The following PGBD5 variants were observed in gnomAD, a reference collection of about 807,000 sequenced individuals.
The protein encoded by PGBD5 is piggyBac transposable element-derived protein 5.
PGBD5 carries 14 observed loss-of-function variants against 47.9 expected under a neutral mutation model. The ratio of observed to expected loss-of-function variants is 0.29; its 90% CI spans 0.19 to 0.46. The LOEUF (loss-of-function observed/expected upper bound fraction) is 0.46, where lower values mean the gene tolerates loss of function less well. Ranked by LOEUF, PGBD5 falls within the 20% of genes least tolerant of loss-of-function variation. PGBD5 has a pLI of 1.00. For missense variants in PGBD5, 635 were observed against 716.0 expected, an observed-to-expected ratio of 0.89 and a Z score of 1.29; for synonymous variants, 316 against 306.3, an observed-to-expected ratio of 1.03 and a Z score of -0.33.
chr1:230,393,772 C>T (rs942989053), intron 1 of PGBD5, among the ~76,000 whole-genome samples: 86 of 141,438 alleles, frequency 6.1e-4, no homozygotes, highest in African/African-American at 2.1e-3. Context: ...TTGCAGTGAG[C>T]GGAGATCGCG....
At chr1:230,404,475 C>T (rs112232236) in intron 1 of PGBD5, among the ~76,000 whole-genome samples, 294 of 151,592 alleles carry the variant, frequency 1.9e-3, no homozygotes, top group Non-Finnish European at 3.2e-3. Context: ...TGTGGTGGCG[C>T]GCACCTGTGG....
intron 1 of PGBD5, among the ~76,000 whole-genome samples, chr1:230,375,613 C>T (rs1304738948): frequency 1.5e-5 from 2 of 133,954 alleles, no homozygotes; most frequent in Non-Finnish European, 3.1e-5. Context: ...TAGATTTTGA[C>T]TTTTTAAAGA....
Position 230,322,663 on chromosome 1 carries a change from G to T in PGBD5, c.*762C>A, listed in dbSNP as rs550443105. ...GACTGAGGCCGGGGTCAGCGTCGGG[G>T]GTGGAGAGGAGGGGACATCTGCCTT... On this transcript the variant is annotated 3_prime_UTR_variant, in exon 7 of 7. Coordinates refer to ENST00000391860, the MANE Select transcript of PGBD5 (RefSeq NM_001258311.2). The surrounding 1 kb of genome is among the most constrained non-coding windows in gnomAD (Gnocchi z 5.9). 2.6e-5 allele frequency: 4 copies of T among 153,310 alleles called. No individual in the cohort carries two copies. The allele number at this position is 153,310 out of a possible 1,614,324, so 9.5% of individuals were successfully genotyped here. A position where few individuals can be genotyped will look rare whatever the true frequency, so the allele number is the denominator to read the frequency against.
chr1:230,351,369 ATTG>A (rs147845433), intron 2 of PGBD5, among the ~76,000 whole-genome samples: 2,321 of 152,206 alleles, frequency 0.015, 40 homozygotes, highest in African/African-American at 0.034. Flanking sequence ...ATTTATTATT[ATTG>A]TTATTATTGG....
Position 230,362,331 on chromosome 1 carries a change from G to T in PGBD5, c.332-5010C>A, listed in dbSNP as rs766878412. ...TGCAGGGCACGAGGAATGGATTATAGGGCGGCCGAGGCGTCGACTCCATCC... is the reference window on the plus strand; with the variant it reads ...TGCAGGGCACGAGGAATGGATTATATGGCGGCCGAGGCGTCGACTCCATCC... On this transcript the variant is annotated intron_variant, in intron 1 of 6. Coordinates refer to ENST00000391860, the MANE Select transcript of PGBD5 (RefSeq NM_001258311.2). 3 of 1,367,694 alleles carry T rather than the reference G, an allele frequency of 2.2e-6. No homozygotes were observed. The East Asian group carries it at 1.4e-4, about 62-fold the overall frequency. 84.7% of individuals were successfully genotyped at this position (1,367,694 alleles called of 1,614,324 possible).
At chr1:230,362,573 C>A (rs939484848) in intron 1 of PGBD5, among the ~76,000 whole-genome samples, 1 of 152,162 alleles carries the variant, frequency 6.6e-6, no homozygotes, top group Non-Finnish European at 1.5e-5. Flanking sequence ...TGACTCGGTG[C>A]CTCTCCTTGG....
At chr1:230,393,685 C>T (rs1454539401) in intron 1 of PGBD5, among the ~76,000 whole-genome samples, 2 of 151,990 alleles carry the variant, frequency 1.3e-5, no homozygotes, top group African/African-American at 4.8e-5. Flanking sequence ...ATTAGCCGGG[C>T]GCAGTGGCGG....
chr1:230,422,694 C>T (rs938857337), intron 1 of PGBD5, among the ~76,000 whole-genome samples: 68 of 152,158 alleles, frequency 4.5e-4, no homozygotes, highest in African/African-American at 1.5e-3. Flanking sequence ...AACTACTGGC[C>T]GCACTTCCGG....
Position 230,316,654 on chromosome 1 carries a change from G to A in PGBD5, c.*6771C>T, listed in dbSNP as rs1666954872. ...GCCAAAATTTGGCTGTTTCTTAGTGGAGAAAGGTGGGACATGAGAATTGGG... is the reference window on the plus strand; with the variant it reads ...GCCAAAATTTGGCTGTTTCTTAGTGAAGAAAGGTGGGACATGAGAATTGGG... On this transcript the variant is annotated 3_prime_UTR_variant, in exon 7 of 7. Transcript: ENST00000391860. 1 of 152,116 alleles carries A rather than the reference G, an allele frequency of 6.6e-6. No homozygotes were observed. Among genetic ancestry groups the A allele is most frequent in the African/African-American group, 2.4e-5 (1 of 41,410 alleles). The allele number at this position is 152,116 out of a possible 1,614,324, so 9.4% of individuals were successfully genotyped here. A position where few individuals can be genotyped will look rare whatever the true frequency, so the allele number is the denominator to read the frequency against.
At chr1:230,332,705 G>T in intron 5 of PGBD5, 139 bp downstream of exon 5, 2 of 971,658 alleles carry the variant, frequency 2.1e-6, no homozygotes, top group Non-Finnish European at 3.1e-6. Flanking sequence ...GGCCCCAGAT[G>T]CTGGGGAATA....
intron 1 of PGBD5, among the ~76,000 whole-genome samples, chr1:230,359,311 G>A (rs111366532): frequency 0.011 from 1,609 of 152,234 alleles, 32 homozygotes; most frequent in African/African-American, 0.037. Flanking sequence ...AGATTGGCCC[G>A]CCTTGGCCTC....
chr1:230,392,549 C>A (rs933383995), intron 1 of PGBD5, among the ~76,000 whole-genome samples: 1 of 152,210 alleles, frequency 6.6e-6, no homozygotes, highest in Non-Finnish European at 1.5e-5. Flanking sequence ...CCTGGGAGGG[C>A]AGCTGCTTTG....
In PGBD5 at chr1:230,315,944, GTA is replaced by G. The variant is rs1666933015; in HGVS notation, c.*7479_*7480del. ...TATATGTGTACACATATATGTATGT[GTA>G]TACATACATAAGTATATGTGTACAC... On this transcript the variant is annotated 3_prime_UTR_variant, in exon 7 of 7. Transcript: ENST00000391860. 1 of 115,732 alleles carries G rather than the reference GTA, an allele frequency of 8.6e-6. No individual in the cohort carries two copies. The highest frequency in any genetic ancestry group is 1.9e-5 in the Non-Finnish European group (1 of 52,972). 7.2% of individuals were successfully genotyped at this position (115,732 alleles called of 1,614,324 possible).
chr1:230,391,469 T>C (rs1052985572), intron 1 of PGBD5, among the ~76,000 whole-genome samples: 18 of 152,332 alleles, frequency 1.2e-4, no homozygotes, highest in African/African-American at 3.8e-4. Flanking sequence ...CAAAATGGTA[T>C]ATGCTAAGGT....
chr1:230,355,414 G>A (rs1667620973), intron 2 of PGBD5, among the ~76,000 whole-genome samples: 1 of 152,226 alleles, frequency 6.6e-6, no homozygotes, highest in Non-Finnish European at 1.5e-5. Flanking sequence ...ACAGCCTTCT[G>A]CGGCACCTCT....
At chr1:230,333,979 C>T (rs1259698174) in intron 4 of PGBD5, among the ~76,000 whole-genome samples, 5 of 152,202 alleles carry the variant, frequency 3.3e-5, no homozygotes, top group African/African-American at 9.7e-5. Context: ...CTGGAGGGGA[C>T]GCAGAGACCC....
chr1:230,358,660 CTG>C (rs1431334026), intron 1 of PGBD5, among the ~76,000 whole-genome samples: 1 of 152,042 alleles, frequency 6.6e-6, no homozygotes. Flanking sequence ...AATTATAACA[CTG>C]TATTTTTCCT....
chr1:230,356,840 G>A, intron 2 of PGBD5, 54 bp downstream of exon 2: 2 of 1,566,662 alleles, frequency 1.3e-6, no homozygotes, highest in East Asian at 4.5e-5. Context: ...GACAAGGCTA[G>A]GCCGAGAGAG....
chr1:230,333,094 C>A lies in PGBD5; in HGVS notation c.1076-53G>T. The stretch of plus-strand genomic sequence containing the variant: ...CACTCACCACCATCGGAGATGCCGG[C>A]GGCTCCTCCGCCCTGGGCACCCCCA... On this transcript the variant is annotated intron_variant, in intron 4 of 6. Transcript: ENST00000391860. 7 of 1,530,590 alleles carry A rather than the reference C, an allele frequency of 4.6e-6. 1 individual carries two copies. Among genetic ancestry groups the A allele is most frequent in the Non-Finnish European group, 6.2e-6 (7 of 1,133,676 alleles). 94.8% of individuals were successfully genotyped at this position (1,530,590 alleles called of 1,614,324 possible).
Sources: allele counts gnomAD v4.1 joint callset (sites outside exome capture counted in the v4.1 genomes callset), GRCh38; gene constraint gnomAD v4.1.1; non-coding constraint Gnocchi (gnomAD v3.1); transcripts MANE v1.5; gene names NCBI Gene and HGNC (gene_info 2026-07-23, HGNC 2026-07-21).